Variants in TAFA1 observed in about 807,000 individuals in gnomAD.
TAFA1 encodes TAFA chemokine like family member 1.
Under a neutral mutation model 18.5 loss-of-function variants are expected in TAFA1, and 4 were observed. The observed-to-expected ratio is 0.22, with a 90% CI of 0.11 to 0.49. The LOEUF (loss-of-function observed/expected upper bound fraction) is 0.49, where lower values mean the gene tolerates loss of function less well. Ranked by LOEUF, TAFA1 falls within the 20% of genes least tolerant of loss-of-function variation. The pLI, the probability that TAFA1 is intolerant of heterozygous loss-of-function variation, is 0.98. For missense variants in TAFA1, 147 were observed against 169.0 expected (o/e 0.87, Z 0.72); for synonymous variants, 56 against 55.2 (o/e 1.01, Z -0.06).
chr3:68,007,253 C>T (rs17140932), intron 2 of TAFA1, among the ~76,000 whole-genome samples: 123,300 of 152,200 alleles, frequency 0.81, 50,922 homozygotes, highest in South Asian at 0.95. Flanking sequence ...TCTGTTCTTC[C>T]GGTATGCTCA....
chr3:68,210,234 G>A (rs1476899011), intron 2 of TAFA1, among the ~76,000 whole-genome samples: 2 of 151,984 alleles, frequency 1.3e-5, no homozygotes, highest in African/African-American at 2.4e-5. Flanking sequence ...TCATAAATAT[G>A]GTGACTCAAG....
intron 2 of TAFA1, among the ~76,000 whole-genome samples, chr3:68,365,927 A>C (rs1379865882): frequency 1.3e-5 from 2 of 151,964 alleles, no homozygotes; most frequent in African/African-American, 2.4e-5. Flanking sequence ...TCTACTAAAA[A>C]TACAAAAATT....
chr3:68,398,597 T>C (rs2070430391), intron 2 of TAFA1, among the ~76,000 whole-genome samples: 1 of 152,200 alleles, frequency 6.6e-6, no homozygotes, highest in Non-Finnish European at 1.5e-5. Flanking sequence ...TCAGATCCCA[T>C]GTCAATCTCA....
chr3:68,299,658 G>A (rs944818858), intron 2 of TAFA1, among the ~76,000 whole-genome samples: 6 of 152,184 alleles, frequency 3.9e-5, no homozygotes, highest in African/African-American at 1.2e-4. Context: ...TGGTCTTCAC[G>A]GAAGTCCCTC....
chr3:68,163,293 G>A (rs374772896), intron 2 of TAFA1, among the ~76,000 whole-genome samples: 155 of 152,268 alleles, frequency 1.0e-3, no homozygotes, highest in African/African-American at 3.4e-3. Flanking sequence ...TGGTCTGGGA[G>A]TTAGCCAACA....
intron 2 of TAFA1, among the ~76,000 whole-genome samples, chr3:68,117,091 C>T (rs1264377487): frequency 1.3e-5 from 2 of 152,172 alleles, no homozygotes; most frequent in South Asian, 2.1e-4. Flanking sequence ...CTCAGCAGCT[C>T]TCTTTTGCGC....
intron 3 of TAFA1, among the ~76,000 whole-genome samples, chr3:68,526,406 T>G (rs1341825493): frequency 1.3e-5 from 2 of 152,194 alleles, no homozygotes; most frequent in East Asian, 3.8e-4. Flanking sequence ...TTACAATCAG[T>G]GTACAACTTT....
chr3:68,363,090 C>A lies in TAFA1; in HGVS notation c.119-54190C>A, dbSNP rs554272655. On this transcript the variant is annotated intron_variant, in intron 2 of 4. Coordinates refer to ENST00000478136, the MANE Select transcript of TAFA1 (RefSeq NM_213609.4). ...ATTGCCAATTACCTACTGGGGAATTCCTGATGTTACTCTTTCCACTAGTTT... is the reference window on the plus strand; with the variant it reads ...ATTGCCAATTACCTACTGGGGAATTACTGATGTTACTCTTTCCACTAGTTT... 6.7e-5 allele frequency among the ~76,000 whole-genome samples: 10 copies of A among 148,584 alleles called. No individual in the cohort carries two copies. In the South Asian group the frequency reaches 2.0e-3, roughly 29 times the overall value.
At chr3:68,248,714 G>A (rs908850701) in intron 2 of TAFA1, among the ~76,000 whole-genome samples, 3 of 146,900 alleles carry the variant, frequency 2.0e-5, no homozygotes, top group South Asian at 4.5e-4. Flanking sequence ...TGAGTTTTGC[G>A]GGGTGGGTGG....
At chr3:68,327,989 T>C (rs1254946937) in intron 2 of TAFA1, among the ~76,000 whole-genome samples, 3 of 152,224 alleles carry the variant, frequency 2.0e-5, no homozygotes, top group African/African-American at 7.2e-5. Flanking sequence ...AGACTACTAA[T>C]TGATTACATG....
At chr3:68,171,216 T>C (rs1466785706) in intron 2 of TAFA1, among the ~76,000 whole-genome samples, 3 of 152,086 alleles carry the variant, frequency 2.0e-5, no homozygotes, top group East Asian at 1.9e-4. Context: ...GTTGGAGTGA[T>C]ACAATGTGAG....
At chr3:68,340,878 T>C (rs747427549) in intron 2 of TAFA1, among the ~76,000 whole-genome samples, 2 of 152,156 alleles carry the variant, frequency 1.3e-5, no homozygotes, top group Non-Finnish European at 2.9e-5. Flanking sequence ...TCAGGCAAAA[T>C]TGAAGGGCAA....
At chr3:68,332,573 AT>A (rs1420422741) in intron 2 of TAFA1, among the ~76,000 whole-genome samples, 1 of 152,158 alleles carries the variant, frequency 6.6e-6, no homozygotes, top group Non-Finnish European at 1.5e-5. Context: ...CAAAAACAAA[AT>A]TTTTTAAATA....
At chr3:68,381,030 C>T (rs2069938628) in intron 2 of TAFA1, among the ~76,000 whole-genome samples, 1 of 135,386 alleles carries the variant, frequency 7.4e-6, no homozygotes, top group Non-Finnish European at 1.6e-5. Context: ...ATAAGGAATC[C>T]TTTCCCCATT....
chr3:68,178,497 G>T (rs1464234054), intron 2 of TAFA1, among the ~76,000 whole-genome samples: 1 of 152,210 alleles, frequency 6.6e-6, no homozygotes, highest in East Asian at 1.9e-4. Context: ...ATAATGGAGA[G>T]ATGGGTATGA....
chr3:68,335,896 T>G (rs1157254920), intron 2 of TAFA1, among the ~76,000 whole-genome samples: 2 of 152,196 alleles, frequency 1.3e-5, no homozygotes, highest in Non-Finnish European at 2.9e-5. Context: ...TGTCAAGTTG[T>G]CATTTGTACA....
intron 2 of TAFA1, among the ~76,000 whole-genome samples, chr3:68,100,223 G>GC (rs1264111428): frequency 6.6e-6 from 1 of 152,154 alleles, no homozygotes; most frequent in Non-Finnish European, 1.5e-5. Context: ...AGTGGTTCAT[G>GC]CCTGTAATCC....
intron 2 of TAFA1, among the ~76,000 whole-genome samples, chr3:68,054,491 T>A (rs879520174): frequency 1.3e-5 from 2 of 152,226 alleles, no homozygotes; most frequent in Non-Finnish European, 2.9e-5. Context: ...CCTTTTTTCT[T>A]TATAAATTAC....
At chr3:68,229,683 A>G (rs548251798) in intron 2 of TAFA1, among the ~76,000 whole-genome samples, 1 of 152,226 alleles carries the variant, frequency 6.6e-6, no homozygotes, top group Non-Finnish European at 1.5e-5. Flanking sequence ...AATTAGACTA[A>G]TTAAATTGTG....
Sources: gnomAD v4.1 joint callset for allele counts (sites outside exome capture counted in the v4.1 genomes callset) on GRCh38, gnomAD v4.1.1 for gene constraint, MANE v1.5 for transcripts, NCBI Gene and HGNC (gene_info 2026-07-23, HGNC 2026-07-21) for gene names.